Variants in RGS1 observed in about 807,000 individuals in gnomAD.
RGS1 encodes B-cell activation protein BL34.
RGS1 carries 11 observed loss-of-function variants against 22.2 expected under a neutral mutation model. The observed-to-expected ratio is 0.50, with a 90% CI of 0.31 to 0.82. RGS1 has a LOEUF of 0.82. RGS1 is among the 40% of genes least tolerant of loss of function. The pLI is 0.04. For missense variants in RGS1, 255 were observed against 245.8 expected (o/e 1.04, Z -0.25); for synonymous variants, 81 against 79.9 (o/e 1.01, Z -0.07).
At chr1:192,576,858 T>C (rs1188983292) in intron 3 of RGS1, 23 bp downstream of exon 3, 1 of 1,600,652 alleles carries the variant, frequency 6.2e-7, no homozygotes, top group African/African-American at 1.3e-5. Flanking sequence ...ATTGAATGTT[T>C]CTGGGTTCAG....
chr1:192,575,945 G>T lies in RGS1; in HGVS notation c.137+16G>T. 1 of 1,611,572 alleles carries T rather than the reference G, an allele frequency of 6.2e-7. No homozygotes were observed. Among genetic ancestry groups the T allele is most frequent in the Non-Finnish European group, 8.5e-7 (1 of 1,178,692 alleles). ...CAAAGACTTTGTAAGTTTGTTCAGA[G>T]TCTCACTTTGTGAATTTTAACAAGT... On this transcript the variant is annotated intron_variant, in intron 1 of 4. Transcript: ENST00000367459.
Position 192,579,368 on chromosome 1 carries a change from A to C in RGS1, c.*46A>C. ...ATTAACAGATAGTATCAAGCGCAGA[A>C]GGAATGTGCCAGTATGGCTCCCTGG... On this transcript the variant is annotated 3_prime_UTR_variant, in exon 5 of 5. Coordinates refer to ENST00000367459, the MANE Select transcript of RGS1 (RefSeq NM_002922.4). 3.1e-6 allele frequency: 5 copies of C among 1,589,596 alleles called. No individual in the cohort carries two copies. Among genetic ancestry groups the C allele is most frequent in the Non-Finnish European group, 4.3e-6 (5 of 1,163,732 alleles).
intron 1 of RGS1, 168 bp downstream of exon 1, chr1:192,576,097 C>A: frequency 1.1e-6 from 1 of 948,168 alleles, no homozygotes; most frequent in Non-Finnish European, 1.6e-6. Flanking sequence ...AAAAATAAAT[C>A]TTGATATGGC....
intron 4 of RGS1, 147 bp from the exon 5 acceptor site, chr1:192,578,990 C>A: frequency 2.8e-6 from 2 of 723,614 alleles, no homozygotes; most frequent in South Asian, 2.0e-5. Context: ...TAGTATAGAG[C>A]TGATTTTACA....
intron 2 of RGS1, 99 bp downstream of exon 2, chr1:192,576,464 A>G: frequency 2.4e-6 from 2 of 831,322 alleles, no homozygotes; most frequent in Non-Finnish European, 3.9e-6. Context: ...CGCACAGTAG[A>G]CTTCATTTCT....
Position 192,579,361 on chromosome 1 carries a change from G to A in RGS1, c.*39G>A. The A allele has an allele frequency of 1.9e-6, 3 of 1,598,494 alleles. No homozygotes were observed. Among genetic ancestry groups the A allele is most frequent in the Non-Finnish European group, 2.6e-6 (3 of 1,170,932 alleles). ...GAAGGGAATTAACAGATAGTATCAA[G>A]CGCAGAAGGAATGTGCCAGTATGGC... is the stretch of plus-strand genomic sequence containing the variant. On this transcript the variant is annotated 3_prime_UTR_variant, in exon 5 of 5. Coordinates refer to ENST00000367459, the MANE Select transcript of RGS1 (RefSeq NM_002922.4).
intron 3 of RGS1, chr1:192,577,292 A>C (rs1662078432): frequency 6.5e-6 from 1 of 153,360 alleles, no homozygotes; most frequent in South Asian, 2.1e-4. Context: ...TTGTAGAGGT[A>C]CCAAGGATTC....
Position 192,578,245 on chromosome 1 carries a change from T to G in RGS1, c.304T>G (p.Phe102Val). The G allele has an allele frequency of 6.2e-7, 1 of 1,612,304 alleles. No individual in the cohort carries two copies. ...NQTGQNVFGS[F>V]LKSEFSEENI... ...AGCTGGTCAAAATGTCTTTGGAAGT[T>G]TCCTAAAGTCTGAATTCAGTGAGGA... The change falls in exon 4 of 5, where the codon TTC becomes GTC. Residue 102 changes from phenylalanine (F) to valine (V), a missense_variant. Coordinates refer to ENST00000367459, the MANE Select transcript of RGS1 (RefSeq NM_002922.4).
intron 1 of RGS1, 37 bp downstream of exon 1, chr1:192,575,966 C>A (rs1662051110): frequency 2.0e-5 from 32 of 1,608,822 alleles, no homozygotes; most frequent in Non-Finnish European, 2.7e-5. Context: ...TGAATTTTAA[C>A]AAGTTATCTT....
chr1:192,578,353 A>G lies in RGS1; in HGVS notation c.412A>G (p.Lys138Glu). ...GCCCTGTAAAGCAGAAGAGATATAT[A>G]AAGCATTTGTGCATTCAGATGCTGC... The part of the protein sequence containing the change: ...LLPCKAEEIY[K>E]AFVHSDAAKQ... The change falls in exon 4 of 5, where the codon AAA (lysine) becomes GAA (glutamate). Residue 138 changes from lysine to glutamate, a missense_variant. Physicochemically the swap from Lys to Glu is moderately conservative, Grantham distance 56 (BLOSUM62 1). Coordinates refer to ENST00000367459, the MANE Select transcript of RGS1 (RefSeq NM_002922.4). 1 of 1,613,056 alleles carries G rather than the reference A, an allele frequency of 6.2e-7. No individual in the cohort carries two copies. The highest frequency in any genetic ancestry group is 8.5e-7 in the Non-Finnish European group (1 of 1,179,502).
intron 1 of RGS1, 67 bp from the exon 2 acceptor site, chr1:192,576,218 C>T (rs1662055494): frequency 1.5e-6 from 2 of 1,295,660 alleles, no homozygotes; most frequent in South Asian, 2.5e-5. Flanking sequence ...GAAATTTATT[C>T]TATGTCTTTT....
chr1:192,576,235 T>A (rs927390021), intron 1 of RGS1, 50 bp from the exon 2 acceptor site: 2 of 1,378,654 alleles, frequency 1.5e-6, no homozygotes, highest in Non-Finnish European at 2.0e-6. Context: ...TTTTTACAAA[T>A]AAAATGAATT....
chr1:192,576,380 A>G lies in RGS1; in HGVS notation c.218+15A>G, dbSNP rs1308975761. On this transcript the variant is annotated intron_variant, in intron 2 of 4. Transcript: ENST00000367459. ...TCCAAGGATGTGTAAGTACACTAAT[A>G]CACTAAACTATCATTATCATTTACA... 3 of 1,539,826 alleles carry G rather than the reference A, an allele frequency of 1.9e-6. No individual in the cohort carries two copies.
chr1:192,579,012 GA>G, intron 4 of RGS1, 124 bp from the exon 5 acceptor site: 1 of 847,120 alleles, frequency 1.2e-6, no homozygotes, highest in Non-Finnish European at 1.8e-6. Context: ...AGGCATTTAA[GA>G]GATATTTGAA....
chr1:192,577,954 A>G (rs1662093827), intron 3 of RGS1: 1 of 422,040 alleles, frequency 2.4e-6, no homozygotes, highest in Middle Eastern at 6.3e-4. Flanking sequence ...CGCGGATAGA[A>G]GCAAAACAGT....
chr1:192,579,503 A>C lies in RGS1; in HGVS notation c.*181A>C. 1.8e-6 allele frequency: 1 copy of C among 564,050 alleles called. No individual in the cohort carries two copies. The highest frequency in any genetic ancestry group is 3.1e-6 in the Non-Finnish European group (1 of 325,962). The allele number at this position is 564,050 out of a possible 1,614,324, so 34.9% of individuals were successfully genotyped here. On this transcript the variant is annotated 3_prime_UTR_variant, in exon 5 of 5. Transcript: ENST00000367459. ...GCGCAGAGTTGAAGAAGCATAAGCAAGACAAAAACAGAGAGACCGCAGAAG... is the reference window on the plus strand; with the variant it reads ...GCGCAGAGTTGAAGAAGCATAAGCACGACAAAAACAGAGAGACCGCAGAAG...
rs774683897 is a variant in RGS1 at position 192,576,406 on chromosome 1, A to T, written c.218+41A>T. The T allele has an allele frequency of 4.3e-6, 6 of 1,411,584 alleles. No homozygotes were observed. The South Asian group carries it at 7.0e-5, about 16-fold the overall frequency. The allele number at this position is 1,411,584 out of a possible 1,614,324, so 87.4% of individuals were successfully genotyped here. A position where few individuals can be genotyped will look rare whatever the true frequency, so the allele number is the denominator to read the frequency against. ...CACTAAACTATCATTATCATTTACAAGAGAAGCCTATGCATTATCTCTATA... is the reference window on the plus strand; with the variant it reads ...CACTAAACTATCATTATCATTTACATGAGAAGCCTATGCATTATCTCTATA... On this transcript the variant is annotated intron_variant, in intron 2 of 4. Coordinates refer to ENST00000367459, the MANE Select transcript of RGS1 (RefSeq NM_002922.4).
At chr1:192,577,077 G>T in intron 3 of RGS1, 1 of 378,460 alleles carries the variant, frequency 2.6e-6, no homozygotes, top group Non-Finnish European at 4.7e-6. Context: ...TCATTATGGA[G>T]ATAAAATTAA....
chr1:192,576,371 T>A lies in RGS1; in HGVS notation c.218+6T>A. On this transcript the variant is annotated splice_donor_region_variant and intron_variant, in intron 2 of 4. Transcript: ENST00000367459. ...TCTTCCAAGTCCAAGGATGTGTAAG[T>A]ACACTAATACACTAAACTATCATTA... 2 of 1,550,972 alleles carry A rather than the reference T, an allele frequency of 1.3e-6. No individual in the cohort carries two copies. Among genetic ancestry groups the A allele is most frequent in the Non-Finnish European group, 1.8e-6 (2 of 1,123,982 alleles).
Sources: gnomAD v4.1 joint callset for allele counts on GRCh38, gnomAD v4.1.1 for gene constraint, MANE v1.5 for transcripts, NCBI Gene and HGNC (gene_info 2026-07-23, HGNC 2026-07-21) for gene names.